The following PLS1 variants were observed in gnomAD, a reference collection of about 807,000 sequenced individuals.
PLS1 encodes the protein plastin-1.
A neutral mutation model predicts 73.7 loss-of-function variants in PLS1; 32 were observed. The ratio of observed to expected loss-of-function variants is 0.43; its 90% CI spans 0.33 to 0.58. The LOEUF (loss-of-function observed/expected upper bound fraction) is 0.58, where lower values mean the gene tolerates loss of function less well. Ranked by LOEUF, PLS1 falls within the 20% of genes least tolerant of loss-of-function variation. The pLI is 0.04. For missense variants in PLS1, 633 were observed against 740.5 expected, an observed-to-expected ratio of 0.85 and a Z score of 1.68; for synonymous variants, 217 against 261.3, an observed-to-expected ratio of 0.83 and a Z score of 1.63.
Position 142,713,526 on chromosome 3 carries a change from G to C in PLS1, c.*1519G>C, listed in dbSNP as rs2107987090. On this transcript the variant is annotated 3_prime_UTR_variant, in exon 16 of 16. Transcript: ENST00000457734. ...AAGATATGTTCTTGCTCTTTTATAA[G>C]ATTATTTAAATTATGTTTCCCTCTG... The C allele has an allele frequency of 6.6e-6, 1 of 152,398 alleles. No individual in the cohort carries two copies. Among genetic ancestry groups the C allele is most frequent in the African/African-American group, 2.4e-5 (1 of 41,496 alleles). 9.4% of individuals were successfully genotyped at this position (152,398 alleles called of 1,614,324 possible).
chr3:142,650,900 A>T (rs1268925548), intron 1 of PLS1, among the ~76,000 whole-genome samples: 3 of 152,054 alleles, frequency 2.0e-5, no homozygotes, highest in Admixed American at 2.0e-4. Context: ...GAAGAAAAAG[A>T]TCCTGGGATG....
intron 12 of PLS1, among the ~76,000 whole-genome samples, chr3:142,700,899 T>A (rs1321440912): frequency 6.6e-6 from 1 of 152,200 alleles, no homozygotes; most frequent in Non-Finnish European, 1.5e-5. Context: ...AGAGATCTGA[T>A]GGTTTTATCA....
At chr3:142,674,139 G>A (rs759721418) in intron 4 of PLS1, among the ~76,000 whole-genome samples, 14 of 151,966 alleles carry the variant, frequency 9.2e-5, no homozygotes, top group Non-Finnish European at 1.6e-4. Flanking sequence ...ATATATTTCT[G>A]GTGGTGTGTG....
chr3:142,614,019 T>C (rs915237640), intron 1 of PLS1, among the ~76,000 whole-genome samples: 2 of 152,244 alleles, frequency 1.3e-5, no homozygotes, highest in Non-Finnish European at 2.9e-5. Context: ...GGCTACTTTT[T>C]CTTTCATTAG....
At chr3:142,690,704 A>G (rs1273269915) in intron 10 of PLS1, among the ~76,000 whole-genome samples, 3 of 152,238 alleles carry the variant, frequency 2.0e-5, no homozygotes, top group South Asian at 4.1e-4. Context: ...ATTATTTTGT[A>G]TCAATTAGCT....
intron 1 of PLS1, among the ~76,000 whole-genome samples, chr3:142,616,489 G>A (rs1240317734): frequency 1.3e-5 from 2 of 152,008 alleles, no homozygotes; most frequent in Non-Finnish European, 2.9e-5. Context: ...TTCTAGTTGT[G>A]ACCCCAACAA....
chr3:142,696,098 T>C (rs1453267303), intron 11 of PLS1, among the ~76,000 whole-genome samples: 2 of 152,254 alleles, frequency 1.3e-5, no homozygotes, highest in Non-Finnish European at 2.9e-5. Flanking sequence ...CCAAGACTTT[T>C]ACTTTTAATC....
chr3:142,698,815 TC>T (rs1449453143), intron 12 of PLS1, among the ~76,000 whole-genome samples: 1 of 152,216 alleles, frequency 6.6e-6, no homozygotes, highest in Non-Finnish European at 1.5e-5. Context: ...TGACCTAATT[TC>T]ACCTTTTTCC....
At chr3:142,610,623 TGTTA>T (rs1415509087) in intron 1 of PLS1, among the ~76,000 whole-genome samples, 7 of 152,160 alleles carry the variant, frequency 4.6e-5, no homozygotes, top group African/African-American at 1.4e-4. Flanking sequence ...AGAATTCTCT[TGTTA>T]GTTTGTCCTT....
At chr3:142,598,719 T>G (rs887131564) in intron 1 of PLS1, among the ~76,000 whole-genome samples, 5 of 152,156 alleles carry the variant, frequency 3.3e-5, no homozygotes, top group African/African-American at 1.2e-4. Context: ...TCCAATTGGC[T>G]GGGTGTGGTG....
At chr3:142,710,413 A>G (rs1577921207) in intron 14 of PLS1, among the ~76,000 whole-genome samples, 3 of 152,276 alleles carry the variant, frequency 2.0e-5, no homozygotes, top group African/African-American at 7.2e-5. Flanking sequence ...AAAGAAAATT[A>G]TCCTCTAAGG....
intron 1 of PLS1, among the ~76,000 whole-genome samples, chr3:142,628,967 C>T (rs2036492491): frequency 6.6e-6 from 1 of 152,132 alleles, no homozygotes; most frequent in East Asian, 1.9e-4. Flanking sequence ...ATGGCAGGTC[C>T]AGAGGGGAAG....
chr3:142,627,637 T>A (rs548780366), intron 1 of PLS1, among the ~76,000 whole-genome samples: 1 of 152,206 alleles, frequency 6.6e-6, no homozygotes, highest in Non-Finnish European at 1.5e-5. Context: ...GTTTATTGTT[T>A]GTTTTGCTTT....
chr3:142,700,317 T>A (rs1450236912), intron 12 of PLS1, among the ~76,000 whole-genome samples: 4 of 150,788 alleles, frequency 2.7e-5, no homozygotes, highest in Admixed American at 6.6e-5. Flanking sequence ...ATTATTATTA[T>A]TTTATTTATT....
chr3:142,661,746 G>A (rs533566370), intron 1 of PLS1, among the ~76,000 whole-genome samples: 32 of 152,136 alleles, frequency 2.1e-4, no homozygotes, highest in South Asian at 6.2e-4. Flanking sequence ...TATTTTCTGA[G>A]GCACATATTA....
chr3:142,668,988 T>G (rs2037541286), intron 2 of PLS1, among the ~76,000 whole-genome samples: 1 of 152,116 alleles, frequency 6.6e-6, no homozygotes, highest in Non-Finnish European at 1.5e-5. Flanking sequence ...ATATATATGG[T>G]GGCCCTAAAT....
chr3:142,686,163 T>C, intron 8 of PLS1, 121 bp from the exon 9 acceptor site: 1 of 648,152 alleles, frequency 1.5e-6, no homozygotes, highest in Non-Finnish European at 2.7e-6. Flanking sequence ...AATTCTTTAT[T>C]TTTAAAGTTA....
intron 6 of PLS1, among the ~76,000 whole-genome samples, chr3:142,679,529 G>A (rs1313748554): frequency 2.0e-5 from 3 of 152,140 alleles, no homozygotes; most frequent in African/African-American, 2.4e-5. Flanking sequence ...ATTAAATAGG[G>A]AATCCTTTCC....
In PLS1 at chr3:142,651,513, A is replaced by AG. The variant is rs146580197; in HGVS notation, c.-36-12683dup. On this transcript the variant is annotated intron_variant, in intron 1 of 15. Transcript: ENST00000457734. ...CCCAAAAAACAAAGAGATGGAGACA[A>AG]GGGGGGTCTCACTGTCTTGCTCAGG... is the stretch of plus-strand genomic sequence containing the variant. Among the ~76,000 whole-genome samples the AG allele has an allele frequency of 3.2e-3, 477 of 150,188 alleles. 4 individuals are homozygous for AG. Among genetic ancestry groups the AG allele is most frequent in the Middle Eastern group, 0.018 (5 of 282 alleles).
Sources: allele counts gnomAD v4.1 joint callset (sites outside exome capture counted in the v4.1 genomes callset), GRCh38; gene constraint gnomAD v4.1.1; transcripts MANE v1.5; gene names NCBI Gene and HGNC (gene_info 2026-07-23, HGNC 2026-07-21).